BEND7: variants seen among roughly 807,000 people sequenced by gnomAD.
The protein encoded by BEND7 is BEN domain-containing protein 7.
BEND7 carries 28 observed loss-of-function variants against 50.9 expected under a neutral mutation model. The observed-to-expected ratio is 0.55, with a 90% CI of 0.41 to 0.75. BEND7 has a LOEUF of 0.75. BEND7 is among the 30% of genes least tolerant of loss of function. The probability of loss-of-function intolerance (pLI) is 0.00; values close to 1 mark genes in which losing one functional copy is unlikely to be tolerated. For synonymous variants in BEND7, 170 were observed against 183.9 expected (o/e 0.92, Z 0.61); for missense variants, 477 against 491.3 (o/e 0.97, Z 0.28).
At chr10:13,444,695 C>T (rs1034389821) in intron 8 of BEND7, 22 of 152,172 alleles carry the variant, frequency 1.4e-4, no homozygotes, top group Admixed American at 1.3e-4. Context: ...GCACTGCATT[C>T]AAAGAAGCCA....
intron 2 of BEND7, among the ~76,000 whole-genome samples, chr10:13,503,558 CA>C (rs2077637429): frequency 4.6e-5 from 7 of 152,168 alleles, no homozygotes. Context: ...ACTAAAAACA[CA>C]AAAGTTAGCT....
rs542213396 is a variant in BEND7 at position 13,452,483 on chromosome 10, A to G, written c.1183+56T>C. 9 of 1,525,288 alleles carry G rather than the reference A, an allele frequency of 5.9e-6. No individual in the cohort carries two copies. In the African/African-American group the frequency reaches 1.1e-4, roughly 19 times the overall value. 94.5% of individuals were successfully genotyped at this position (1,525,288 alleles called of 1,614,324 possible). A position where few individuals can be genotyped will look rare whatever the true frequency, so the allele number is the denominator to read the frequency against. ...CCTAGAGCCAAGTATTGTACTTTAT[A>G]AAGTCTAAGAATTCATAAGTGCTTC... On this transcript the variant is annotated intron_variant, in intron 7 of 8. Coordinates refer to ENST00000466271, the MANE Select transcript of BEND7 (RefSeq NM_001369863.1).
intron 6 of BEND7, among the ~76,000 whole-genome samples, chr10:13,471,784 G>A (rs1005120438): frequency 6.6e-6 from 1 of 152,258 alleles, no homozygotes; most frequent in Admixed American, 6.5e-5. Flanking sequence ...CCAGGTGCTT[G>A]ACAGAAACAG....
At chr10:13,523,083 A>G (rs932623846) in intron 2 of BEND7, among the ~76,000 whole-genome samples, 5 of 152,216 alleles carry the variant, frequency 3.3e-5, no homozygotes, top group African/African-American at 4.8e-5. Flanking sequence ...TCCCTGTCCT[A>G]TCCATTTCTG....
Position 13,496,765 on chromosome 10 carries a change from C to T in BEND7, c.571+1G>A. On this transcript the variant is annotated splice_donor_variant, in intron 4 of 8. Transcript: ENST00000466271. LOFTEE classifies it high-confidence loss of function. Reference sequence around the variant, plus strand: ...CTCATTCCGAGGCCTGATCCTTGTACCTGCTTGAATTTGCATTAATTTCCT... The same window carrying T: ...CTCATTCCGAGGCCTGATCCTTGTATCTGCTTGAATTTGCATTAATTTCCT... The T allele has an allele frequency of 6.2e-7, 1 of 1,612,292 alleles. No homozygotes were observed. The highest frequency in any genetic ancestry group is 8.5e-7 in the Non-Finnish European group (1 of 1,179,410).
intron 6 of BEND7, among the ~76,000 whole-genome samples, chr10:13,479,165 C>T (rs1007987713): frequency 6.6e-6 from 1 of 151,994 alleles, no homozygotes; most frequent in Non-Finnish European, 1.5e-5. Flanking sequence ...CATCATCATG[C>T]CCCGCTAATT....
At chr10:13,506,893 G>C (rs1459391557) in intron 2 of BEND7, among the ~76,000 whole-genome samples, 1 of 152,128 alleles carries the variant, frequency 6.6e-6, no homozygotes, top group East Asian at 1.9e-4. Context: ...TCACTGAATA[G>C]ATATAAACAC....
At chr10:13,510,366 A>T (rs1038364080) in intron 2 of BEND7, among the ~76,000 whole-genome samples, 1 of 152,196 alleles carries the variant, frequency 6.6e-6, no homozygotes, top group Non-Finnish European at 1.5e-5. Flanking sequence ...GTAGGGATGT[A>T]ATTTGGCAAA....
chr10:13,472,928 A>G (rs750424755), intron 6 of BEND7, among the ~76,000 whole-genome samples: 39 of 151,218 alleles, frequency 2.6e-4, no homozygotes, highest in Non-Finnish European at 4.9e-4. Flanking sequence ...CTCAGGGCCA[A>G]TATCTGTCAT....
intron 6 of BEND7, among the ~76,000 whole-genome samples, chr10:13,457,397 G>C (rs1207223828): frequency 6.6e-6 from 1 of 152,130 alleles, no homozygotes; most frequent in African/African-American, 2.4e-5. Flanking sequence ...TTTTTTTCTA[G>C]TTTCAATGAA....
intron 2 of BEND7, among the ~76,000 whole-genome samples, chr10:13,505,040 G>T (rs1394464360): frequency 1.3e-5 from 2 of 152,268 alleles, no homozygotes; most frequent in Non-Finnish European, 2.9e-5. Context: ...AGGTAATCAC[G>T]ATAAAAGATG....
chr10:13,492,837 A>G lies in BEND7; in HGVS notation c.611T>C (p.Ile204Thr), dbSNP rs764013328. 1.9e-6 allele frequency: 3 copies of G among 1,605,998 alleles called. No individual in the cohort carries two copies. The highest frequency in any genetic ancestry group is 2.5e-6 in the Non-Finnish European group (3 of 1,178,290). The change falls in exon 5 of 9, where the codon ATA (isoleucine) becomes ACA (threonine). Residue 204 changes from isoleucine to threonine, a missense_variant. Ile to Thr is a moderately conservative substitution (Grantham distance 89, BLOSUM62 -1). Transcript: ENST00000466271. Reference sequence around the variant, plus strand: ...TGAGACAGCAGTTCGCTGGGAGCATATAAGGGAAATTGGAGGTTGTTGTCT... The same window carrying G: ...TGAGACAGCAGTTCGCTGGGAGCATGTAAGGGAAATTGGAGGTTGTTGTCT... ...QNRQQPPISL[I>T]CSQRTAVSRK...
chr10:13,447,636 C>A (rs566127254), intron 7 of BEND7, among the ~76,000 whole-genome samples: 1 of 150,612 alleles, frequency 6.6e-6, no homozygotes, highest in East Asian at 2.0e-4. Context: ...CTCCGCCTCC[C>A]GGGTTCACGC....
chr10:13,480,534 A>C, intron 6 of BEND7: 2 of 657,530 alleles, frequency 3.0e-6, no homozygotes, highest in Non-Finnish European at 3.8e-6. Context: ...TTTTTTAAGA[A>C]GCATCATAGC....
At chr10:13,522,340 T>C (rs1259313996) in intron 2 of BEND7, among the ~76,000 whole-genome samples, 1 of 152,208 alleles carries the variant, frequency 6.6e-6, no homozygotes, top group Non-Finnish European at 1.5e-5. Context: ...TCCATGAGCC[T>C]TGGCTTTGCC....
chr10:13,474,172 T>TA (rs1409953870), intron 6 of BEND7, among the ~76,000 whole-genome samples: 2 of 151,952 alleles, frequency 1.3e-5, no homozygotes, highest in African/African-American at 2.4e-5. Context: ...TCATCGCTGT[T>TA]AGATTTCGGG....
chr10:13,480,641 T>TC, intron 6 of BEND7: 1 of 984,744 alleles, frequency 1.0e-6, no homozygotes, highest in Non-Finnish European at 1.2e-6. Flanking sequence ...AGAAAAAACT[T>TC]CTTTTTGATT....
At chr10:13,472,169 G>A (rs559376457) in intron 6 of BEND7, among the ~76,000 whole-genome samples, 5 of 151,296 alleles carry the variant, frequency 3.3e-5, no homozygotes, top group South Asian at 2.1e-4. Flanking sequence ...ACTCGTCATC[G>A]CTGTTACACT....
At chr10:13,522,585 C>T (rs150505606) in intron 2 of BEND7, among the ~76,000 whole-genome samples, 35 of 152,246 alleles carry the variant, frequency 2.3e-4, no homozygotes, top group African/African-American at 7.5e-4. Context: ...TGCTTATTGG[C>T]GGCTCCCTCA....
Sources: gnomAD v4.1 joint callset for allele counts (sites outside exome capture counted in the v4.1 genomes callset) on GRCh38, gnomAD v4.1.1 for gene constraint, MANE v1.5 for transcripts, NCBI Gene and HGNC (gene_info 2026-07-23, HGNC 2026-07-21) for gene names.